Variants in CTCF observed in about 807,000 individuals in gnomAD.
The protein encoded by CTCF is transcriptional repressor CTCF.
In CTCF, 7 loss-of-function variants were observed where a neutral mutation model predicts 72.3. The ratio of observed to expected loss-of-function variants is 0.10; its 90% confidence interval spans 0.06 to 0.18. CTCF has a LOEUF of 0.18. Among genes scored for constraint, CTCF ranks in the 10% least tolerant of loss-of-function variants. The pLI, the probability that CTCF is intolerant of heterozygous loss-of-function variation, is 1.00. For synonymous variants in CTCF, 374 were observed against 315.8 expected (o/e 1.18, Z -1.95); for missense variants, 516 against 949.1 (o/e 0.54, Z 6.00).
intron 2 of CTCF, among the ~76,000 whole-genome samples, chr16:67,588,891 A>G (rs1384338244): frequency 5.3e-5 from 8 of 151,980 alleles, no homozygotes; most frequent in Non-Finnish European, 7.4e-5. Context: ...GGGTTTCGCT[A>G]TGTTGGCCAG....
At chr16:67,569,273 C>G in intron 1 of CTCF, among the ~76,000 whole-genome samples, 1 of 152,068 alleles carries the variant, frequency 6.6e-6, no homozygotes, top group East Asian at 1.9e-4. Context: ...TGCAGCTCCG[C>G]CTCCTGGGTT....
chr16:67,619,620 G>A (rs531611179), intron 5 of CTCF, among the ~76,000 whole-genome samples: 4 of 152,140 alleles, frequency 2.6e-5, no homozygotes, highest in African/African-American at 9.6e-5. Context: ...TCACTCTGTC[G>A]CCCAGGCTGG....
rs1229842349 is a variant in CTCF, at chr16:67,575,198, G to A, written c.-10+3934G>A. On this transcript the variant is annotated intron_variant, in intron 2 of 11. Coordinates refer to ENST00000264010, the MANE Select transcript of CTCF (RefSeq NM_006565.4). Reference sequence around the variant, plus strand: ...GAGAAGGTTGAGGTTGCAATGAGCCGTGGTCCCACCACTGCATTTCATTCA... The same window carrying A: ...GAGAAGGTTGAGGTTGCAATGAGCCATGGTCCCACCACTGCATTTCATTCA... Among the ~76,000 whole-genome samples the A allele has an allele frequency of 2.6e-5, 4 of 152,132 alleles. 1 individual carries two copies. The highest frequency in any genetic ancestry group is 4.1e-4 in the South Asian group (2 of 4,828).
chr16:67,577,080 G>A (rs1480092330), intron 2 of CTCF, among the ~76,000 whole-genome samples: 7 of 152,054 alleles, frequency 4.6e-5, no homozygotes, highest in Admixed American at 6.6e-5. Flanking sequence ...TAAAGGAAAA[G>A]GGAATGCAGT....
chr16:67,596,335 A>G (rs549479930), intron 2 of CTCF, among the ~76,000 whole-genome samples: 30 of 152,130 alleles, frequency 2.0e-4, no homozygotes, highest in Non-Finnish European at 3.5e-4. Context: ...TTCTTTTACT[A>G]TTAATGAGGT....
Position 67,596,611 on chromosome 16 carries a change from G to C in CTCF, c.-9-14213G>C, listed in dbSNP as rs575150255. ...TTTTATTTATTTATTTAGAGACAGA[G>C]TCTCGCCCTGTCACCCAGGCTGGAA... On this transcript the variant is annotated intron_variant, in intron 2 of 11. Coordinates refer to ENST00000264010, the MANE Select transcript of CTCF (RefSeq NM_006565.4). 2.1e-4 allele frequency among the ~76,000 whole-genome samples: 32 copies of C among 151,934 alleles called. 1 individual carries two copies. Among genetic ancestry groups the C allele is most frequent in the Admixed American group, 2.0e-3 (30 of 15,228 alleles).
At chr16:67,587,099 C>CTT (rs1194757717) in intron 2 of CTCF, among the ~76,000 whole-genome samples, 8 of 127,580 alleles carry the variant, frequency 6.3e-5, no homozygotes, top group Non-Finnish European at 1.0e-4. Context: ...ACTTCTTAAA[C>CTT]ATTTTTTTTT....
chr16:67,569,711 A>T (rs2051387376), intron 1 of CTCF, among the ~76,000 whole-genome samples: 1 of 150,058 alleles, frequency 6.7e-6, no homozygotes, highest in African/African-American at 2.5e-5. Flanking sequence ...AATGAGACGG[A>T]GTCTAGCTCT....
intron 2 of CTCF, among the ~76,000 whole-genome samples, chr16:67,602,003 A>G (rs916557556): frequency 1.3e-5 from 2 of 151,736 alleles, no homozygotes; most frequent in African/African-American, 4.8e-5. Context: ...AGCTGGGACT[A>G]TAGGCACCTG....
intron 1 of CTCF, among the ~76,000 whole-genome samples, chr16:67,570,417 T>G (rs2051400491): frequency 6.7e-6 from 1 of 150,090 alleles, no homozygotes; most frequent in South Asian, 2.1e-4. Context: ...ATGTGTGCCA[T>G]TATTTGGTTG....
At chr16:67,624,197 A>G (rs2052250861) in intron 7 of CTCF, among the ~76,000 whole-genome samples, 1 of 151,188 alleles carries the variant, frequency 6.6e-6, no homozygotes, top group Admixed American at 6.6e-5. Flanking sequence ...ATTTTTATAT[A>G]TATGTATGTC....
intron 2 of CTCF, among the ~76,000 whole-genome samples, chr16:67,607,700 T>G (rs1039334086): frequency 2.6e-5 from 4 of 152,006 alleles, no homozygotes; most frequent in African/African-American, 9.7e-5. Context: ...TATTGAGTAC[T>G]TACCATCCTG....
chr16:67,575,166 C>CGAA (rs2051478599), intron 2 of CTCF, among the ~76,000 whole-genome samples: 1 of 152,150 alleles, frequency 6.6e-6, no homozygotes. Flanking sequence ...GGAGGATCGT[C>CGAA]TGAGCTGAGA....
At chr16:67,569,144 G>A (rs887790197) in intron 1 of CTCF, among the ~76,000 whole-genome samples, 1 of 148,620 alleles carries the variant, frequency 6.7e-6, no homozygotes, top group Non-Finnish European at 1.5e-5. Context: ...TGGCCTATTT[G>A]GAAACACTTA....
At position 67,611,970 on chromosome 16, in the gene CTCF, G is replaced by A. The variant is rs750552485; in HGVS notation, c.801G>A (p.Gln267=). The change falls in exon 4 of 12, where the codon CAG becomes CAA. Residue 267 remains glutamine (Q), a synonymous_variant. Coordinates refer to ENST00000264010, the MANE Select transcript of CTCF (RefSeq NM_006565.4). ...ACATAGGTGTAAAGAAGACATTCCA[G>A]TGTGAGCTTTGCAGTTACACGTGTC... ...IKKKGVKKTF[Q]CELCSYTCPR... 21 of 1,614,152 alleles carry A rather than the reference G, an allele frequency of 1.3e-5. No individual in the cohort carries two copies. Among genetic ancestry groups the A allele is most frequent in the Non-Finnish European group, 1.7e-6 (2 of 1,180,000 alleles).
At chr16:67,624,113 G>GTGTGTATGTGTGTGTATATATA (rs1555535504) in intron 7 of CTCF, among the ~76,000 whole-genome samples, 1 of 132,576 alleles carries the variant, frequency 7.5e-6, no homozygotes, top group African/African-American at 3.1e-5. Flanking sequence ...GTGTGTGTGT[G>GTGTGTATGTGTGTGTATATATA]TGTATGTGTG....
rs184167883 is a variant in CTCF, at chr16:67,628,502, G to A, written c.1651G>A (p.Val551Ile). 8.1e-6 allele frequency: 13 copies of A among 1,614,200 alleles called. No homozygotes were observed. Among genetic ancestry groups the A allele is most frequent in the African/African-American group, 5.3e-5 (4 of 75,046 alleles). ...CAAGCGCTATCACGACCCCAACTTC[G>A]TCCCTGCGGCTTTTGTCTGTTCTAA... ...HFKRYHDPNF[V>I]PAAFVCSKCG... is the part of the protein sequence containing the mutation. Residue 551 changes from valine to isoleucine, a missense_variant, in exon 9 of 12, where the codon GTC becomes ATC. Transcript: ENST00000264010.
At chr16:67,616,905 C>T (rs1394578322) in intron 5 of CTCF, 27 bp downstream of exon 5, 48 of 1,606,834 alleles carry the variant, frequency 3.0e-5, no homozygotes, top group Non-Finnish European at 3.7e-5. Flanking sequence ...TTGTTGGTAT[C>T]TCTCTTAGGC....
chr16:67,584,327 A>G (rs527683441), intron 2 of CTCF, among the ~76,000 whole-genome samples: 2 of 148,364 alleles, frequency 1.3e-5, no homozygotes, highest in Admixed American at 1.3e-4. Context: ...TCTCAAAAAA[A>G]AAAAGTCTTC....
Sources: gnomAD v4.1 joint callset for allele counts (sites outside exome capture counted in the v4.1 genomes callset) on GRCh38, gnomAD v4.1.1 for gene constraint, MANE v1.5 for transcripts, NCBI Gene and HGNC (gene_info 2026-07-23, HGNC 2026-07-21) for gene names.